LRRC8A: variants seen among roughly 807,000 people sequenced by gnomAD.
LRRC8A encodes the protein leucine rich repeat containing 8 VRAC subunit A.
Under a neutral mutation model 52.5 loss-of-function variants are expected in LRRC8A, and 24 were observed. The ratio of observed to expected loss-of-function variants is 0.46; its 90% CI spans 0.33 to 0.64. The LOEUF (loss-of-function observed/expected upper bound fraction) is 0.64, where lower values mean the gene tolerates loss of function less well. Among genes scored for constraint, LRRC8A ranks in the 30% least tolerant of loss-of-function variants. The pLI is 0.02. For missense variants in LRRC8A, 677 were observed against 1,094.7 expected, an observed-to-expected ratio of 0.62 and a Z score of 5.38; for synonymous variants, 492 against 494.2, an observed-to-expected ratio of 1.00 and a Z score of 0.06.
chr9:128,908,619 G>A lies in LRRC8A; in HGVS notation c.1455G>A (p.Ala485=), dbSNP rs775841555. The A allele has an allele frequency of 8.2e-5, 132 of 1,612,412 alleles. No individual in the cohort carries two copies. Among genetic ancestry groups the A allele is most frequent in the Middle Eastern group, 1.6e-4 (1 of 6,082 alleles). ...WLYHTAAKIE[A]PALAFLRENL... is the part of the protein sequence containing the mutation. The stretch of plus-strand genomic sequence containing the variant: ...ACCACACAGCGGCCAAGATTGAAGC[G>A]CCCGCGCTGGCCTTCCTGCGTGAGA... The change falls in exon 3 of 4, where the codon GCG becomes GCA. Residue 485 remains alanine, a synonymous_variant. Coordinates refer to ENST00000372600, the MANE Select transcript of LRRC8A (RefSeq NM_019594.4).
At chr9:128,882,480 C>T (rs1392108313) in intron 1 of LRRC8A, 1 of 382,146 alleles carries the variant, frequency 2.6e-6, no homozygotes, top group South Asian at 1.5e-4. Context: ...GAGCCCCCTC[C>T]CAGGCACCCC....
At chr9:128,914,154 A>G (rs916422063) in intron 3 of LRRC8A, among the ~76,000 whole-genome samples, 1 of 152,086 alleles carries the variant, frequency 6.6e-6, no homozygotes, top group Admixed American at 6.5e-5. Flanking sequence ...ACAGTGAGCC[A>G]AGATTGCGCC....
At chr9:128,895,984 C>G (rs755138519) in intron 2 of LRRC8A, among the ~76,000 whole-genome samples, 5 of 152,236 alleles carry the variant, frequency 3.3e-5, no homozygotes, top group African/African-American at 4.8e-5. Flanking sequence ...GTTTCAGATA[C>G]ACACATGCAC....
At chr9:128,884,000 G>T (rs749394919) in intron 1 of LRRC8A, among the ~76,000 whole-genome samples, 1 of 151,892 alleles carries the variant, frequency 6.6e-6, no homozygotes. Context: ...AAAACAGAGC[G>T]GGGGCACAGG....
intron 1 of LRRC8A, 187 bp downstream of exon 1, chr9:128,882,437 G>A (rs1280211358): frequency 2.4e-5 from 8 of 337,682 alleles, no homozygotes; most frequent in East Asian, 4.3e-5. Context: ...GGAGTCTCCG[G>A]GGCACCACCT....
At position 128,911,904 on chromosome 9, in the gene LRRC8A, CCTCA is replaced by C. The variant is rs1339547539; in HGVS notation, c.2157+2587_2157+2590del. ...GTGGGAGGCCTGAGCCCCTCTTCCT[CCTCA>C]CTCGGGCTTGATGGCTCCTTCTCAG... On this transcript the variant is annotated intron_variant, in intron 3 of 3. Coordinates refer to ENST00000372600, the MANE Select transcript of LRRC8A (RefSeq NM_019594.4). This position sits in a 1 kb window ranked among gnomAD's most constrained non-coding sequence, Gnocchi z 4.9. 6.6e-6 allele frequency among the ~76,000 whole-genome samples: 1 copy of C among 152,270 alleles called. No homozygotes were observed. Among genetic ancestry groups the C allele is most frequent in the East Asian group, 1.9e-4 (1 of 5,200 alleles).
In LRRC8A at chr9:128,902,268, C is replaced by T. The variant is rs952373585; in HGVS notation, c.-8-4889C>T. On this transcript the variant is annotated intron_variant, in intron 2 of 3. Transcript: ENST00000372600. This position sits in a 1 kb window ranked among gnomAD's most constrained non-coding sequence, Gnocchi z 4.1. ...AGTCCGGATGTTCCCAGACCAAGCA[C>T]GGAGTTGGGGCGGGTGGTCAGAATC... Among the ~76,000 whole-genome samples, 2 of 152,196 alleles carry T rather than the reference C, an allele frequency of 1.3e-5. No individual in the cohort carries two copies. Among genetic ancestry groups the T allele is most frequent in the Admixed American group, 6.5e-5 (1 of 15,282 alleles).
chr9:128,909,645 A>G (rs1840416912), intron 3 of LRRC8A, among the ~76,000 whole-genome samples: 1 of 152,222 alleles, frequency 6.6e-6, no homozygotes, highest in South Asian at 2.1e-4. Flanking sequence ...GTTCCTCTTC[A>G]GCAGGGATGT....
Position 128,907,681 on chromosome 9 carries a change from C to A in LRRC8A, c.517C>A (p.Leu173Met). 6.2e-7 allele frequency: 1 copy of A among 1,613,964 alleles called. No homozygotes were observed. The highest frequency in any genetic ancestry group is 8.5e-7 in the Non-Finnish European group (1 of 1,179,980). ...CGACTCGCCCTGGACCACGAGGGCCCTGTCGGAGACAGTGGTGGAGGAGAG... is the reference window on the plus strand; with the variant it reads ...CGACTCGCCCTGGACCACGAGGGCCATGTCGGAGACAGTGGTGGAGGAGAG... ...CFDSPWTTRA[L>M]SETVVEESDP... The change falls in exon 3 of 4, where the codon CTG becomes ATG. Residue 173 changes from leucine to methionine, a missense_variant. Around this residue, in one of 4 missense-constraint regions of LRRC8A, gnomAD observed 422 missense variants for 741.5 expected, o/e 0.57. Transcript: ENST00000372600. The surrounding 1 kb of genome is among the most constrained non-coding windows in gnomAD (Gnocchi z 9.3).
rs1278908198 is a variant in LRRC8A, at chr9:128,899,162, G to C, written c.-8-7995G>C. ...ACACAACATGGACACATGTTTAACA[G>C]GTTTGCTGCTCCTTTCTATACAGGG... On this transcript the variant is annotated intron_variant, in intron 2 of 3. Transcript: ENST00000372600. This position sits in a 1 kb window ranked among gnomAD's most constrained non-coding sequence, Gnocchi z 4.0. 1.3e-5 allele frequency among the ~76,000 whole-genome samples: 2 copies of C among 152,216 alleles called. No individual in the cohort carries two copies. Among genetic ancestry groups the C allele is most frequent in the Non-Finnish European group, 2.9e-5 (2 of 68,044 alleles).
chr9:128,899,426 A>G lies in LRRC8A; in HGVS notation c.-8-7731A>G, dbSNP rs571539426. ...GCTCCATCTGAATGGCCCACCCTGG[A>G]GGTGCTGCCTGTCTGGGCCCACTGT... is the stretch of plus-strand genomic sequence containing the variant. On this transcript the variant is annotated intron_variant, in intron 2 of 3. Transcript: ENST00000372600. The surrounding 1 kb of genome is among the most constrained non-coding windows in gnomAD (Gnocchi z 4.0). Among the ~76,000 whole-genome samples the G allele has an allele frequency of 1.1e-3, 161 of 152,134 alleles. No homozygotes were observed. Among genetic ancestry groups the G allele is most frequent in the African/African-American group, 3.7e-3 (155 of 41,514 alleles).
chr9:128,890,369 G>T (rs1306869164), intron 2 of LRRC8A, among the ~76,000 whole-genome samples: 4 of 152,112 alleles, frequency 2.6e-5, no homozygotes, highest in Non-Finnish European at 2.9e-5. Context: ...ATTGCTTGCT[G>T]CAATCTAAGC....
Position 128,908,084 on chromosome 9 carries a change from C to T in LRRC8A, c.920C>T (p.Thr307Ile). 6.2e-7 allele frequency: 1 copy of T among 1,614,008 alleles called. No individual in the cohort carries two copies. The highest frequency in any genetic ancestry group is 8.5e-7 in the Non-Finnish European group (1 of 1,180,020). Reference sequence around the variant, plus strand: ...ATTGAGAGCCTGACGGGCTACCGCACCTACCGCTGTGCCCACCCCCTGGCC... The same window carrying T: ...ATTGAGAGCCTGACGGGCTACCGCATCTACCGCTGTGCCCACCCCCTGGCC... ...VDIESLTGYRTYRCAHPLATL... is the reference protein window; with the variant it reads ...VDIESLTGYRIYRCAHPLATL... Residue 307 changes from threonine (T) to isoleucine (I), a missense_variant, in exon 3 of 4, where the codon ACC (threonine) becomes ATC (isoleucine). This residue lies in a region of LRRC8A where 422 missense variants were observed against 741.5 expected (regional missense o/e 0.57). Transcript: ENST00000372600.
intron 2 of LRRC8A, among the ~76,000 whole-genome samples, chr9:128,904,285 G>A (rs1840147091): frequency 6.6e-6 from 1 of 152,014 alleles, no homozygotes; most frequent in African/African-American, 2.4e-5. Flanking sequence ...GTGGGAGGCC[G>A]TGGCAGGTGG....
At chr9:128,898,517 C>G (rs1244015035) in intron 2 of LRRC8A, among the ~76,000 whole-genome samples, 1 of 152,258 alleles carries the variant, frequency 6.6e-6, no homozygotes, top group East Asian at 1.9e-4. Context: ...CCAGGTGTCT[C>G]CTGAAGTCAG....
chr9:128,908,475 C>T lies in LRRC8A; in HGVS notation c.1311C>T (p.Gly437=), dbSNP rs371071940. ...AGCTGCACCTGTTCATGCTCAGTGGCATCCCTGACACTGTGTTTGACCTGG... is the reference window on the plus strand; with the variant it reads ...AGCTGCACCTGTTCATGCTCAGTGGTATCCCTGACACTGTGTTTGACCTGG... ...KLELHLFMLS[G]IPDTVFDLVE... Residue 437 remains glycine, a synonymous_variant, in exon 3 of 4, where the codon GGC becomes GGT. Coordinates refer to ENST00000372600, the MANE Select transcript of LRRC8A (RefSeq NM_019594.4). The T allele has an allele frequency of 6.2e-7, 1 of 1,613,140 alleles. No individual in the cohort carries two copies. Among genetic ancestry groups the T allele is most frequent in the East Asian group, 2.2e-5 (1 of 44,874 alleles).
In LRRC8A at chr9:128,917,678, C is replaced by A. The variant is rs949999102; in HGVS notation, c.*1307C>A. ...GGCTGGTCGGGAATGGGGAGGTCGC[C>A]CCTGGGAGGGCAGGCGTTGGTTCCA... On this transcript the variant is annotated 3_prime_UTR_variant, in exon 4 of 4. Coordinates refer to ENST00000372600, the MANE Select transcript of LRRC8A (RefSeq NM_019594.4). 4.6e-5 allele frequency: 7 copies of A among 152,748 alleles called. No individual in the cohort carries two copies. Among genetic ancestry groups the A allele is most frequent in the African/African-American group, 1.7e-4 (7 of 41,472 alleles). The allele number at this position is 152,748 out of a possible 1,614,324, so 9.5% of individuals were successfully genotyped here.
rs1564524425 is a variant in LRRC8A at position 128,902,216 on chromosome 9, C to CG, written c.-8-4940dup. Among the ~76,000 whole-genome samples, 1 of 152,174 alleles carries CG rather than the reference C, an allele frequency of 6.6e-6. No individual in the cohort carries two copies. The highest frequency in any genetic ancestry group is 1.5e-5 in the Non-Finnish European group (1 of 68,026). On this transcript the variant is annotated intron_variant, in intron 2 of 3. Transcript: ENST00000372600. The surrounding 1 kb of genome is among the most constrained non-coding windows in gnomAD (Gnocchi z 4.1). ...CACCTTGATCATTTTTTTTTACCCC[C>CG]GCTGGACCTAGCCAAGGGCTGAACA... is the stretch of plus-strand genomic sequence containing the variant.
At chr9:128,897,975 AAAG>A (rs1839883473) in intron 2 of LRRC8A, among the ~76,000 whole-genome samples, 1 of 151,792 alleles carries the variant, frequency 6.6e-6, no homozygotes, top group Non-Finnish European at 1.5e-5. Flanking sequence ...AAAAAAAAAA[AAAG>A]ATAAGTTTGG....
Sources: allele counts gnomAD v4.1 joint callset (sites outside exome capture counted in the v4.1 genomes callset), GRCh38; gene constraint gnomAD v4.1.1; regional missense constraint gnomAD v4.1.1; non-coding constraint Gnocchi (gnomAD v3.1); transcripts MANE v1.5; gene names NCBI Gene and HGNC (gene_info 2026-07-23, HGNC 2026-07-21).